The following ARMC8 variants were observed in gnomAD, a reference collection of about 807,000 sequenced individuals.
ARMC8 encodes armadillo repeat containing 8, also known as armadillo repeat-containing protein 8.
Under a neutral mutation model 99.3 loss-of-function variants are expected in ARMC8, and 20 were observed. The observed-to-expected ratio is 0.20, with a 90% CI of 0.14 to 0.29. ARMC8 has a LOEUF of 0.29. ARMC8 is among the 10% of genes least tolerant of loss of function. ARMC8 has a pLI of 1.00. For missense variants in ARMC8, 569 were observed against 809.5 expected (o/e 0.70, Z 3.60); for synonymous variants, 263 against 278.3 (o/e 0.95, Z 0.55).
chr3:138,262,195 T>C (rs2047811274), intron 12 of ARMC8: 4 of 191,842 alleles, frequency 2.1e-5, no homozygotes, highest in Non-Finnish European at 3.2e-5. Context: ...GGGGAAAAGA[T>C]ATGAGGGAGT....
chr3:138,257,700 C>G (rs1019751868), intron 12 of ARMC8, among the ~76,000 whole-genome samples: 1 of 152,162 alleles, frequency 6.6e-6, no homozygotes, highest in African/African-American at 2.4e-5. Flanking sequence ...GTGAGGAACT[C>G]TAGACCTTAA....
intron 15 of ARMC8, among the ~76,000 whole-genome samples, chr3:138,269,687 A>G (rs954962978): frequency 2.6e-5 from 4 of 152,172 alleles, no homozygotes; most frequent in African/African-American, 9.6e-5. Flanking sequence ...TCAGCGAAAG[A>G]TGAGAGTGGG....
At chr3:138,246,357 C>T (rs751472747) in intron 12 of ARMC8, 140 of 984,886 alleles carry the variant, frequency 1.4e-4, no homozygotes, top group Non-Finnish European at 1.5e-4. Flanking sequence ...TTTGGTACAT[C>T]TAAGTTTTCA....
chr3:138,253,023 TTGGGTTATGATTGGAAATCTTAC>T (rs1287391550), intron 12 of ARMC8, among the ~76,000 whole-genome samples: 1 of 152,032 alleles, frequency 6.6e-6, no homozygotes, highest in Non-Finnish European at 1.5e-5. Context: ...AACTATGGCT[TTGGGTTATGATTGGAAATCTTAC>T]TGGGTTCTGT....
intron 14 of ARMC8, among the ~76,000 whole-genome samples, chr3:138,265,966 T>C (rs2048243397): frequency 3.3e-5 from 5 of 152,332 alleles, no homozygotes; most frequent in South Asian, 4.1e-4. Flanking sequence ...ATTGAGTGTA[T>C]GATTCACTAC....
chr3:138,193,355 G>GTA, intron 1 of ARMC8, among the ~76,000 whole-genome samples: 1 of 152,048 alleles, frequency 6.6e-6, no homozygotes, highest in South Asian at 2.1e-4. Context: ...CTGCCTCCCA[G>GTA]GCTCAAGAGA....
At chr3:138,230,521 C>T (rs541171367) in intron 6 of ARMC8, among the ~76,000 whole-genome samples, 8 of 152,192 alleles carry the variant, frequency 5.3e-5, no homozygotes, top group African/African-American at 1.7e-4. Context: ...GGCATGGTGG[C>T]GTGTGCCTGT....
chr3:138,231,788 G>GA (rs140569493), intron 6 of ARMC8, among the ~76,000 whole-genome samples: 31 of 145,054 alleles, frequency 2.1e-4, no homozygotes, highest in East Asian at 6.1e-4. Flanking sequence ...TCTGGGGGGG[G>GA]AAAAAAAAAA....
At chr3:138,247,153 T>C (rs1342405561) in intron 12 of ARMC8, among the ~76,000 whole-genome samples, 2 of 152,200 alleles carry the variant, frequency 1.3e-5, no homozygotes, top group Non-Finnish European at 2.9e-5. Context: ...TTTGAGTGCA[T>C]TTCTTTTCCT....
chr3:138,251,061 G>C (rs2047101186), intron 12 of ARMC8, among the ~76,000 whole-genome samples: 1 of 152,070 alleles, frequency 6.6e-6, no homozygotes, highest in Non-Finnish European at 1.5e-5. Flanking sequence ...TGAGGTGGGA[G>C]GTTCACTTGA....
chr3:138,269,864 A>G (rs1056896139), intron 15 of ARMC8, among the ~76,000 whole-genome samples, 176 bp from the exon 16 acceptor site: 1 of 147,292 alleles, frequency 6.8e-6, no homozygotes, highest in African/African-American at 2.5e-5. Flanking sequence ...TGAGAAAATA[A>G]TTGTCTTTGC....
At chr3:138,287,267 C>G (rs1318917021) in intron 19 of ARMC8, among the ~76,000 whole-genome samples, 2 of 152,206 alleles carry the variant, frequency 1.3e-5, no homozygotes, top group African/African-American at 2.4e-5. Context: ...ACACCTACTT[C>G]TCTGAACAGA....
intron 19 of ARMC8, among the ~76,000 whole-genome samples, 197 bp downstream of exon 19, chr3:138,284,723 ATAT>A (rs1442012393): frequency 3.9e-5 from 6 of 152,314 alleles, no homozygotes; most frequent in African/African-American, 1.4e-4. Context: ...CCACTTGGTA[ATAT>A]TATTACCTGC....
At chr3:138,210,644 A>G (rs1368195445) in intron 2 of ARMC8, among the ~76,000 whole-genome samples, 2 of 152,152 alleles carry the variant, frequency 1.3e-5, no homozygotes, top group East Asian at 1.9e-4. Flanking sequence ...AAGGGTCAAG[A>G]TACATTTGGG....
At chr3:138,264,914 T>C (rs375188137) in intron 14 of ARMC8, among the ~76,000 whole-genome samples, 1 of 151,276 alleles carries the variant, frequency 6.6e-6, no homozygotes, top group Non-Finnish European at 1.5e-5. Flanking sequence ...TTTTTTTAAA[T>C]AGACACAGGG....
intron 14 of ARMC8, 115 bp downstream of exon 14, chr3:138,264,327 T>G: frequency 1.4e-6 from 1 of 714,578 alleles, no homozygotes; most frequent in African/African-American, 1.8e-5. Flanking sequence ...TAGAGCATTT[T>G]GAACGTTTAT....
At chr3:138,224,449 A>T (rs1022459615) in intron 5 of ARMC8, among the ~76,000 whole-genome samples, 1 of 152,160 alleles carries the variant, frequency 6.6e-6, no homozygotes, top group African/African-American at 2.4e-5. Context: ...CACTAAAAAT[A>T]AAAAATGATA....
chr3:138,273,759 A>G (rs2048998254), intron 17 of ARMC8, among the ~76,000 whole-genome samples: 1 of 151,740 alleles, frequency 6.6e-6, no homozygotes, highest in Admixed American at 6.6e-5. Context: ...TAGGAAATCT[A>G]CACTGTGTTT....
chr3:138,272,562 G>C (rs1205290683), intron 16 of ARMC8, among the ~76,000 whole-genome samples: 1 of 152,182 alleles, frequency 6.6e-6, no homozygotes, highest in Non-Finnish European at 1.5e-5. Flanking sequence ...ATTTTCTGCA[G>C]ATTCTGTTTG....
Sources: allele counts gnomAD v4.1 joint callset (sites outside exome capture counted in the v4.1 genomes callset), GRCh38; gene constraint gnomAD v4.1.1; transcripts MANE v1.5; gene names NCBI Gene and HGNC (gene_info 2026-07-23, HGNC 2026-07-21).